Variants in TRPM3 observed in about 807,000 individuals in gnomAD.
TRPM3 encodes the protein transient receptor potential cation channel subfamily M member 3.
Under a neutral mutation model 181.2 loss-of-function variants are expected in TRPM3, and 77 were observed. The ratio of observed to expected loss-of-function variants is 0.42; its 90% CI spans 0.35 to 0.51. The LOEUF (loss-of-function observed/expected upper bound fraction) is 0.51. Ranked by LOEUF, TRPM3 falls within the 20% of genes least tolerant of loss-of-function variation. The pLI, the probability that TRPM3 is intolerant of heterozygous loss-of-function variation, is 0.01. For synonymous variants in TRPM3, 745 were observed against 796.4 expected (o/e 0.94, Z 1.09); for missense variants, 1,759 against 2,196.7 (o/e 0.80, Z 3.98).
At chr9:71,039,604 G>A (rs2058600068) in intron 1 of TRPM3, among the ~76,000 whole-genome samples, 1 of 152,112 alleles carries the variant, frequency 6.6e-6, no homozygotes, top group Non-Finnish European at 1.5e-5. Context: ...CATCAACATG[G>A]TCAACTCAGT....
chr9:71,231,739 C>A (rs1019198322), intron 1 of TRPM3, among the ~76,000 whole-genome samples: 2 of 152,160 alleles, frequency 1.3e-5, no homozygotes, highest in Admixed American at 1.3e-4. Context: ...TGGGTCAACA[C>A]GGACATTAAC....
chr9:71,059,010 C>CTTTTT (rs1491270019), intron 1 of TRPM3, among the ~76,000 whole-genome samples: 2 of 15,932 alleles, frequency 1.3e-4, no homozygotes, highest in African/African-American at 4.8e-4. Context: ...TTTGTTTGTT[C>CTTTTT]ATTTTTTTTT....
intron 7 of TRPM3, among the ~76,000 whole-genome samples, chr9:70,777,495 T>A (rs997156803): frequency 6.6e-6 from 1 of 152,116 alleles, no homozygotes; most frequent in Non-Finnish European, 1.5e-5. Flanking sequence ...TTTATTTTAT[T>A]TCACACTTTC....
chr9:71,127,168 C>T (rs868083316), intron 1 of TRPM3, among the ~76,000 whole-genome samples: 28 of 151,988 alleles, frequency 1.8e-4, no homozygotes, highest in African/African-American at 6.5e-4. Context: ...TCTTGAATTA[C>T]TTCTCATAAA....
At chr9:70,806,226 AAGG>A (rs2090640931) in intron 6 of TRPM3, among the ~76,000 whole-genome samples, 1 of 152,092 alleles carries the variant, frequency 6.6e-6, no homozygotes, top group South Asian at 2.1e-4. Flanking sequence ...TCCAACACAG[AAGG>A]AGAACAGCCT....
chr9:70,915,309 T>C (rs1170825235), intron 1 of TRPM3, among the ~76,000 whole-genome samples: 1 of 151,920 alleles, frequency 6.6e-6, no homozygotes, highest in Non-Finnish European at 1.5e-5. Context: ...TTTTTTTTTC[T>C]TTTTTTGAGA....
intron 1 of TRPM3, among the ~76,000 whole-genome samples, chr9:71,441,377 G>C (rs1026893059): frequency 1.3e-5 from 2 of 152,156 alleles, no homozygotes; most frequent in African/African-American, 4.8e-5. Context: ...GGTTTATACA[G>C]TAATGGGCTA....
chr9:70,823,044 CTT>C (rs999328328), intron 6 of TRPM3, among the ~76,000 whole-genome samples: 7 of 152,148 alleles, frequency 4.6e-5, no homozygotes, highest in African/African-American at 1.7e-4. Context: ...GTGGCCTGCT[CTT>C]CAGCTCTGCA....
At chr9:70,629,284 G>C (rs961732405) in intron 12 of TRPM3, among the ~76,000 whole-genome samples, 18 of 132,228 alleles carry the variant, frequency 1.4e-4, no homozygotes, top group Non-Finnish European at 2.8e-4. Flanking sequence ...AAGCCAATGA[G>C]AATTCCTCCC....
chr9:70,586,274 A>G (rs2057125415), intron 22 of TRPM3, among the ~76,000 whole-genome samples: 1 of 152,230 alleles, frequency 6.6e-6, no homozygotes, highest in African/African-American at 2.4e-5. Context: ...AGTACAAACA[A>G]AATAAATATT....
At chr9:70,566,581 T>C (rs1245687320) in intron 22 of TRPM3, among the ~76,000 whole-genome samples, 1 of 152,208 alleles carries the variant, frequency 6.6e-6, no homozygotes, top group Non-Finnish European at 1.5e-5. Flanking sequence ...AACTGAGTAA[T>C]TGCTCCTCAT....
chr9:71,209,533 C>T (rs994385855), intron 1 of TRPM3, among the ~76,000 whole-genome samples: 1 of 152,148 alleles, frequency 6.6e-6, no homozygotes, highest in African/African-American at 2.4e-5. Context: ...TTTTCTGTAA[C>T]ATCTGCCAAA....
chr9:70,537,947 G>T (rs2042210285), intron 25 of TRPM3, among the ~76,000 whole-genome samples: 1 of 152,122 alleles, frequency 6.6e-6, no homozygotes, highest in African/African-American at 2.4e-5. Context: ...ATGGATGGGG[G>T]TTATTTTTAT....
intron 1 of TRPM3, among the ~76,000 whole-genome samples, chr9:71,357,310 A>G (rs965694034): frequency 8.5e-4 from 130 of 152,290 alleles, no homozygotes; most frequent in African/African-American, 3.0e-3. Context: ...GTCAATTATT[A>G]TGAAACCAAA....
intron 1 of TRPM3, among the ~76,000 whole-genome samples, chr9:71,178,276 C>T (rs2077215848): frequency 6.6e-6 from 1 of 151,972 alleles, no homozygotes; most frequent in Non-Finnish European, 1.5e-5. Context: ...AAAGCGGGTG[C>T]ATAAACTCAA....
intron 1 of TRPM3, among the ~76,000 whole-genome samples, chr9:70,947,375 C>G (rs568208288): frequency 6.6e-6 from 1 of 152,280 alleles, no homozygotes; most frequent in African/African-American, 2.4e-5. Flanking sequence ...TGTGCTCTAT[C>G]TCCACTTTTT....
At chr9:71,221,256 C>A (rs527947671) in intron 1 of TRPM3, among the ~76,000 whole-genome samples, 1 of 152,294 alleles carries the variant, frequency 6.6e-6, no homozygotes, top group Admixed American at 6.5e-5. Context: ...AACCCCATGC[C>A]AAAAACATTT....
chr9:70,811,769 T>A (rs1454230643), intron 6 of TRPM3, among the ~76,000 whole-genome samples: 1 of 152,198 alleles, frequency 6.6e-6, no homozygotes, highest in Non-Finnish European at 1.5e-5. Context: ...TTAAAAGAAC[T>A]ATCCATTTAG....
intron 1 of TRPM3, among the ~76,000 whole-genome samples, chr9:71,204,813 G>C (rs370807160): frequency 1.3e-5 from 2 of 152,002 alleles, no homozygotes; most frequent in Non-Finnish European, 2.9e-5. Context: ...GGAACCAAGC[G>C]AAATGTCCAA....
Sources: allele counts gnomAD v4.1 joint callset (sites outside exome capture counted in the v4.1 genomes callset), GRCh38; gene constraint gnomAD v4.1.1; transcripts MANE v1.5; gene names NCBI Gene and HGNC (gene_info 2026-07-23, HGNC 2026-07-21).